The following TMEM232 variants were observed in gnomAD, a reference collection of about 807,000 sequenced individuals.
TMEM232 encodes transmembrane protein 232.
In TMEM232, 80 loss-of-function variants were observed where a neutral mutation model predicts 78.8. That is an observed-to-expected ratio of 1.01 (90% confidence interval 0.85 to 1.22). TMEM232 has a LOEUF of 1.22. TMEM232 is among the 50% of genes most tolerant of loss of function. The pLI is 0.00. For synonymous variants in TMEM232, 297 were observed against 254.3 expected (o/e 1.17, Z -1.60); for missense variants, 881 against 742.2 (o/e 1.19, Z -2.17).
intron 10 of TMEM232, among the ~76,000 whole-genome samples, chr5:110,586,857 T>A (rs1278085687): frequency 6.6e-6 from 1 of 152,126 alleles, no homozygotes; most frequent in African/African-American, 2.4e-5. Flanking sequence ...CTACTATAGT[T>A]AAATGCCCAG....
At chr5:110,451,178 C>T (rs1760234867) in intron 12 of TMEM232, among the ~76,000 whole-genome samples, 1 of 152,180 alleles carries the variant, frequency 6.6e-6, no homozygotes, top group Admixed American at 6.6e-5. Context: ...TTCTCTGTTT[C>T]CTCAGCACCC....
intron 1 of TMEM232, among the ~76,000 whole-genome samples, chr5:110,692,859 G>A (rs1794298525): frequency 6.6e-6 from 1 of 152,188 alleles, no homozygotes; most frequent in Non-Finnish European, 1.5e-5. Flanking sequence ...GCCTGCCTCT[G>A]TAGGCTCCAC....
intron 2 of TMEM232, among the ~76,000 whole-genome samples, chr5:110,408,815 G>A (rs1755887829): frequency 6.6e-6 from 1 of 151,806 alleles, no homozygotes; most frequent in Admixed American, 6.6e-5. Context: ...TGTTCTTTTT[G>A]CACTTTTTTT....
intron 1 of TMEM232, among the ~76,000 whole-genome samples, chr5:110,704,813 G>C (rs28574988): frequency 6.6e-6 from 1 of 152,018 alleles, no homozygotes; most frequent in Non-Finnish European, 1.5e-5. Context: ...TTTGCAAGTA[G>C]ATCACTGTAT....
At chr5:110,601,951 T>C (rs1398689185) in intron 10 of TMEM232, among the ~76,000 whole-genome samples, 1 of 152,064 alleles carries the variant, frequency 6.6e-6, no homozygotes, top group Non-Finnish European at 1.5e-5. Flanking sequence ...AACAGATATA[T>C]AAACCAGTGG....
At chr5:110,570,255 T>C (rs1776787418) in intron 10 of TMEM232, among the ~76,000 whole-genome samples, 1 of 151,956 alleles carries the variant, frequency 6.6e-6, no homozygotes, top group Non-Finnish European at 1.5e-5. Flanking sequence ...AAATAACATA[T>C]AAAACAAGTT....
rs1460380933 is a variant in TMEM232 at position 110,451,949 on chromosome 5, T to TAAGATATTGAGAGAA, written c.1704-27048_1704-27034dup. Among the ~76,000 whole-genome samples, 26 of 152,292 alleles carry TAAGATATTGAGAGAA rather than the reference T, an allele frequency of 1.7e-4. No homozygotes were observed. The South Asian group carries it at 5.2e-3, about 30-fold the overall frequency. Reference sequence around the variant, plus strand: ...AGAAAATCTGTTTAAAAACAAGTGCTAAGATATTGAGAGAAGTTTCAGCTA... The same window carrying TAAGATATTGAGAGAA: ...AGAAAATCTGTTTAAAAACAAGTGCTAAGATATTGAGAGAAAAGATATTGAGAGAAGTTTCAGCTA... On this transcript the variant is annotated intron_variant, in intron 12 of 13. Transcript: ENST00000455884.
intron 2 of TMEM232, among the ~76,000 whole-genome samples, chr5:110,659,948 T>TA (rs1789569848): frequency 2.6e-5 from 4 of 151,994 alleles, no homozygotes; most frequent in African/African-American, 4.8e-5. Context: ...CTCATACACA[T>TA]TTATTCAATA....
rs537576747 is a variant in TMEM232, at chr5:110,647,786, T to C, written c.126-5415A>G. ...TTGGTTGTGCTAACCAATGCAGTAA[T>C]AGTAATCATCATCATAAAAACAGCC... On this transcript the variant is annotated intron_variant, in intron 2 of 13. Coordinates refer to ENST00000455884, the MANE Select transcript of TMEM232 (RefSeq NM_001039763.4). 8.2e-4 allele frequency among the ~76,000 whole-genome samples: 124 copies of C among 152,106 alleles called. 1 individual carries two copies. Among genetic ancestry groups the C allele is most frequent in the African/African-American group, 2.8e-3 (115 of 41,548 alleles).
intron 8 of TMEM232, among the ~76,000 whole-genome samples, chr5:110,608,278 A>T (rs749339801): frequency 2.2e-4 from 33 of 152,140 alleles, no homozygotes; most frequent in Non-Finnish European, 4.4e-4. Context: ...GACAAGGTTC[A>T]GAATGCTAAA....
chr5:110,551,115 C>G (rs1276251664), intron 11 of TMEM232, among the ~76,000 whole-genome samples: 1 of 152,080 alleles, frequency 6.6e-6, no homozygotes. Flanking sequence ...AGCTTGCCAG[C>G]CCCTAATCTA....
Position 110,606,279 on chromosome 5 carries a change from G to T in TMEM232, c.911C>A (p.Ser304Ter). 6.6e-7 allele frequency: 1 copy of T among 1,519,170 alleles called. No individual in the cohort carries two copies. Among genetic ancestry groups the T allele is most frequent in the South Asian group, 1.3e-5 (1 of 78,144 alleles). 94.1% of individuals were successfully genotyped at this position (1,519,170 alleles called of 1,614,324 possible). A position where few individuals can be genotyped will look rare whatever the true frequency, so the allele number is the denominator to read the frequency against. The change falls in exon 9 of 14, where the codon TCA becomes TAA. Residue 304 changes from serine (S) to a stop codon, truncating the protein, a stop_gained. Coordinates refer to ENST00000455884, the MANE Select transcript of TMEM232 (RefSeq NM_001039763.4). LOFTEE classifies it high-confidence loss of function. ...TQLQKKCWLD[S>*]VLALLVLGEA... ...CCCAAGGACCAGTAAAGCCAGTACT[G>T]AATCCAACCTGAAAATTTTATGGAC... is the stretch of plus-strand genomic sequence containing the variant.
chr5:110,530,928 G>C (rs538115337), intron 11 of TMEM232, among the ~76,000 whole-genome samples: 2 of 152,136 alleles, frequency 1.3e-5, no homozygotes, highest in Non-Finnish European at 2.9e-5. Flanking sequence ...ATTTCACAAT[G>C]TATGTATTGT....
chr5:110,567,934 T>C (rs1268274830), intron 11 of TMEM232, among the ~76,000 whole-genome samples: 1 of 151,988 alleles, frequency 6.6e-6, no homozygotes, highest in Non-Finnish European at 1.5e-5. Flanking sequence ...ACAGCCTGCC[T>C]CTTTTGGCAG....
intron 12 of TMEM232, among the ~76,000 whole-genome samples, chr5:110,468,571 T>C (rs545372022): frequency 6.6e-6 from 1 of 152,194 alleles, no homozygotes; most frequent in Middle Eastern, 3.4e-3. Flanking sequence ...AATGAAACAT[T>C]GGAAATTCTA....
chr5:110,699,851 A>G (rs1033242079), intron 1 of TMEM232, among the ~76,000 whole-genome samples: 2 of 152,052 alleles, frequency 1.3e-5, no homozygotes, highest in East Asian at 3.9e-4. Context: ...GGAACCTTCA[A>G]TAACCTATAT....
chr5:110,405,959 C>T (rs2112575286), intron 2 of TMEM232, among the ~76,000 whole-genome samples: 1 of 151,940 alleles, frequency 6.6e-6, no homozygotes, highest in East Asian at 1.9e-4. Context: ...GAAAAACACA[C>T]ATAGGCATGT....
chr5:110,692,433 G>T (rs953941024), intron 1 of TMEM232, among the ~76,000 whole-genome samples: 1 of 152,182 alleles, frequency 6.6e-6, no homozygotes, highest in Non-Finnish European at 1.5e-5. Context: ...CATCTCACTG[G>T]GGAGTGCCGG....
intron 11 of TMEM232, among the ~76,000 whole-genome samples, chr5:110,545,518 A>G (rs2149592708): frequency 6.6e-6 from 1 of 152,176 alleles, no homozygotes; most frequent in Admixed American, 6.5e-5. Flanking sequence ...ATCTATACTT[A>G]TCCAAAAATA....
Sources: gnomAD v4.1 joint callset for allele counts (sites outside exome capture counted in the v4.1 genomes callset) on GRCh38, gnomAD v4.1.1 for gene constraint, MANE v1.5 for transcripts, NCBI Gene and HGNC (gene_info 2026-07-23, HGNC 2026-07-21) for gene names.